The following FARS2 variants were observed in gnomAD, a reference collection of about 807,000 sequenced individuals.
FARS2 encodes phenylalanyl-tRNA synthetase 2, mitochondrial.
FARS2 carries 40 observed loss-of-function variants against 46.4 expected under a neutral mutation model. The ratio of observed to expected loss-of-function variants is 0.86; its 90% CI spans 0.67 to 1.12. The LOEUF (loss-of-function observed/expected upper bound fraction) is 1.12. Ranked by LOEUF, FARS2 falls within the 50% of genes most tolerant of loss-of-function variation. FARS2 has a pLI of 0.00. For synonymous variants in FARS2, 234 were observed against 214.9 expected, an observed-to-expected ratio of 1.09 and a Z score of -0.78; for missense variants, 513 against 567.9, an observed-to-expected ratio of 0.90 and a Z score of 0.98.
At position 5,479,026 on chromosome 6, in the gene FARS2, A is replaced by T. The variant is rs183375884; in HGVS notation, c.904+47854A>T. On this transcript the variant is annotated intron_variant, in intron 4 of 6. Coordinates refer to ENST00000274680, the MANE Select transcript of FARS2 (RefSeq NM_006567.5). ...TTTATTTTAGTATGTAAAAGCAATT[A>T]GTTTGTTTGTTATGTAGTAAAATTA... is the stretch of plus-strand genomic sequence containing the variant. Among the ~76,000 whole-genome samples the T allele has an allele frequency of 6.6e-5, 10 of 152,332 alleles. No individual in the cohort carries two copies. In the East Asian group the frequency reaches 1.7e-3, roughly 26 times the overall value.
intron 3 of FARS2, among the ~76,000 whole-genome samples, chr6:5,430,314 T>A (rs1483551883): frequency 6.6e-6 from 1 of 152,186 alleles, no homozygotes; most frequent in Non-Finnish European, 1.5e-5. Flanking sequence ...CTCTGCTCTT[T>A]GCAGGCTTTA....
chr6:5,349,409 C>G (rs887251972), intron 1 of FARS2, among the ~76,000 whole-genome samples: 5 of 152,170 alleles, frequency 3.3e-5, no homozygotes, highest in Admixed American at 2.0e-4. Context: ...CCCTAATTGA[C>G]TTGTAGGTTT....
At chr6:5,470,998 T>G (rs1311395367) in intron 4 of FARS2, among the ~76,000 whole-genome samples, 4 of 152,262 alleles carry the variant, frequency 2.6e-5, no homozygotes, top group African/African-American at 9.6e-5. Flanking sequence ...GTCTATTATC[T>G]GGTTCTCTTC....
intron 6 of FARS2, among the ~76,000 whole-genome samples, chr6:5,627,231 G>A (rs7744527): frequency 0.016 from 2,420 of 152,328 alleles, 62 homozygotes; most frequent in African/African-American, 0.055. Context: ...TATAAGATGA[G>A]CCTAATTTGT....
rs1295675717 is a variant in FARS2, at chr6:5,517,641, T to TAC, written c.905-27531_905-27530dup. Among the ~76,000 whole-genome samples the TAC allele has an allele frequency of 3.2e-4, 48 of 151,444 alleles. 1 individual carries two copies. Among genetic ancestry groups the TAC allele is most frequent in the Non-Finnish European group, 7.4e-5 (5 of 67,878 alleles). On this transcript the variant is annotated intron_variant, in intron 4 of 6. Transcript: ENST00000274680. ...AAAAAAAAAAGTATAGACATATATA[T>TAC]ACACACACATACACACATACTGGGT... is the stretch of plus-strand genomic sequence containing the variant.
At position 5,720,602 on chromosome 6, in the gene FARS2, A is replaced by G. The variant is rs145988336; in HGVS notation, c.1218-50689A>G. Reference sequence around the variant, plus strand: ...CACTAGTTTTCTAGATTGCCTTTACATTCATAAGTCTCAAGATTATTAAAT... The same window carrying G: ...CACTAGTTTTCTAGATTGCCTTTACGTTCATAAGTCTCAAGATTATTAAAT... On this transcript the variant is annotated intron_variant, in intron 6 of 6. Transcript: ENST00000274680. Among the ~76,000 whole-genome samples the G allele has an allele frequency of 3.1e-3, 475 of 152,320 alleles. 3 individuals are homozygous for G. The highest frequency in any genetic ancestry group is 0.011 in the African/African-American group (454 of 41,562).
chr6:5,661,290 C>T (rs2150781395), intron 6 of FARS2, among the ~76,000 whole-genome samples: 1 of 152,338 alleles, frequency 6.6e-6, no homozygotes, highest in South Asian at 2.1e-4. Flanking sequence ...ACTGGAGGCA[C>T]TGAAGTAAAC....
chr6:5,465,628 T>A (rs1487110976), intron 4 of FARS2, among the ~76,000 whole-genome samples: 1 of 152,186 alleles, frequency 6.6e-6, no homozygotes, highest in East Asian at 1.9e-4. Context: ...CAACCCAGTG[T>A]TACCTTCTAT....
intron 6 of FARS2, among the ~76,000 whole-genome samples, chr6:5,687,787 G>A (rs1757361818): frequency 6.6e-6 from 1 of 152,140 alleles, no homozygotes; most frequent in Non-Finnish European, 1.5e-5. Flanking sequence ...AAATTACCTT[G>A]GGCAGTATGG....
chr6:5,280,703 T>TA (rs1561928444), intron 1 of FARS2, among the ~76,000 whole-genome samples: 1 of 152,054 alleles, frequency 6.6e-6, no homozygotes. Flanking sequence ...TTTTTTTTTT[T>TA]AATCAAAAAA....
chr6:5,759,308 T>C (rs1762369751), intron 6 of FARS2, among the ~76,000 whole-genome samples: 1 of 152,206 alleles, frequency 6.6e-6, no homozygotes, highest in Non-Finnish European at 1.5e-5. Context: ...ATAGCCCTTT[T>C]GTGTGGCCTC....
At chr6:5,608,146 T>C (rs1774954854) in intron 5 of FARS2, among the ~76,000 whole-genome samples, 2 of 152,168 alleles carry the variant, frequency 1.3e-5, no homozygotes, top group Non-Finnish European at 2.9e-5. Context: ...AATATAAGGA[T>C]ATCGTTTCAA....
intron 1 of FARS2, among the ~76,000 whole-genome samples, chr6:5,348,009 A>T (rs1757344603): frequency 6.6e-6 from 1 of 151,854 alleles, no homozygotes; most frequent in Non-Finnish European, 1.5e-5. Flanking sequence ...CAAATCTTTT[A>T]TTGATTTGTT....
At chr6:5,309,766 A>T (rs1040424702) in intron 1 of FARS2, among the ~76,000 whole-genome samples, 5 of 152,218 alleles carry the variant, frequency 3.3e-5, no homozygotes, top group African/African-American at 1.2e-4. Context: ...ATTCTTATAA[A>T]TTAATCCAAT....
intron 4 of FARS2, among the ~76,000 whole-genome samples, chr6:5,491,170 G>A (rs1257170835): frequency 1.3e-5 from 2 of 152,102 alleles, no homozygotes; most frequent in Admixed American, 1.3e-4. Context: ...GCATTTCTCT[G>A]TTGACTCATG....
intron 1 of FARS2, among the ~76,000 whole-genome samples, chr6:5,350,307 C>T (rs912278473): frequency 2.6e-5 from 4 of 151,830 alleles, no homozygotes; most frequent in African/African-American, 9.7e-5. Context: ...TGTGCCCAGC[C>T]CCAGCAAGAT....
chr6:5,704,645 T>C (rs1487848375), intron 6 of FARS2, among the ~76,000 whole-genome samples: 1 of 152,124 alleles, frequency 6.6e-6, no homozygotes, highest in African/African-American at 2.4e-5. Context: ...AAAGTGAAAA[T>C]AATGCGTAAA....
intron 6 of FARS2, among the ~76,000 whole-genome samples, chr6:5,732,808 C>A (rs1760720213): frequency 7.0e-6 from 1 of 142,596 alleles, no homozygotes; most frequent in Admixed American, 6.8e-5. Flanking sequence ...CTTTTCATAT[C>A]CTTCAAAAAA....
chr6:5,404,423 A>T, intron 2 of FARS2, 119 bp from the exon 3 acceptor site: 2 of 555,384 alleles, frequency 3.6e-6, no homozygotes, highest in Non-Finnish European at 6.1e-6. Context: ...GGACATAATG[A>T]GTCTTATTCC....
Sources: gnomAD v4.1 joint callset for allele counts (sites outside exome capture counted in the v4.1 genomes callset) on GRCh38, gnomAD v4.1.1 for gene constraint, MANE v1.5 for transcripts, NCBI Gene and HGNC (gene_info 2026-07-23, HGNC 2026-07-21) for gene names.